The following FHOD3 variants were observed in gnomAD, a reference collection of about 807,000 sequenced individuals.
FHOD3 encodes the protein FH1/FH2 domain-containing protein 3.
A neutral mutation model predicts 173.0 loss-of-function variants in FHOD3; 90 were observed. The observed-to-expected ratio is 0.52, with a 90% CI of 0.44 to 0.62. The LOEUF is 0.62. FHOD3 is among the 20% of genes least tolerant of loss of function. The pLI, the probability that FHOD3 is intolerant of heterozygous loss-of-function variation, is 0.00. For synonymous variants in FHOD3, 828 were observed against 823.0 expected (o/e 1.01, Z -0.10); for missense variants, 1,945 against 2,034.7 (o/e 0.96, Z 0.85).
At chr18:36,551,877 C>T (rs1331866600) in intron 5 of FHOD3, among the ~76,000 whole-genome samples, 1 of 152,154 alleles carries the variant, frequency 6.6e-6, no homozygotes, top group Non-Finnish European at 1.5e-5. Flanking sequence ...GGTACCAGTA[C>T]CATGCTGTTT....
intron 9 of FHOD3, among the ~76,000 whole-genome samples, chr18:36,616,551 G>A (rs1171601039): frequency 6.6e-6 from 1 of 152,126 alleles, no homozygotes; most frequent in African/African-American, 2.4e-5. Flanking sequence ...CGAATTACAT[G>A]TGCCTAATAT....
At chr18:36,502,187 CATA>C (rs944781310) in intron 4 of FHOD3, among the ~76,000 whole-genome samples, 188 bp downstream of exon 4, 2 of 150,718 alleles carry the variant, frequency 1.3e-5, no homozygotes, top group African/African-American at 4.9e-5. Context: ...ATATTTCAAA[CATA>C]ATAAAAAGTA....
chr18:36,560,404 T>C (rs1303948053), intron 5 of FHOD3, among the ~76,000 whole-genome samples: 1 of 152,240 alleles, frequency 6.6e-6, no homozygotes, highest in Non-Finnish European at 1.5e-5. Flanking sequence ...ATTGCTTGTT[T>C]GGCAAGAGGC....
chr18:36,654,774 A>G (rs1266289642), intron 13 of FHOD3, among the ~76,000 whole-genome samples: 1 of 152,190 alleles, frequency 6.6e-6, no homozygotes, highest in Non-Finnish European at 1.5e-5. Context: ...CTCAGGAGTG[A>G]TATTTTCCTT....
intron 3 of FHOD3, among the ~76,000 whole-genome samples, chr18:36,472,669 G>A: frequency 6.6e-6 from 1 of 152,080 alleles, no homozygotes; most frequent in Admixed American, 6.6e-5. Context: ...TATAATATGT[G>A]GTCTTTTGGG....
intron 18 of FHOD3, chr18:36,711,243 A>G (rs770707807): frequency 6.6e-6 from 1 of 152,220 alleles, no homozygotes; most frequent in African/African-American, 2.4e-5. Context: ...CCGGGCAGCT[A>G]TGTCATTATA....
At chr18:36,376,998 C>A (rs1568191130) in intron 3 of FHOD3, among the ~76,000 whole-genome samples, 2 of 152,208 alleles carry the variant, frequency 1.3e-5, no homozygotes, top group Non-Finnish European at 2.9e-5. Flanking sequence ...TGCATCGGTA[C>A]CCTCTTACAC....
At chr18:36,355,326 T>C (rs2046310104) in intron 1 of FHOD3, among the ~76,000 whole-genome samples, 1 of 152,196 alleles carries the variant, frequency 6.6e-6, no homozygotes, top group South Asian at 2.1e-4. Context: ...ATGCTGTCGA[T>C]GTCACTCTGT....
chr18:36,528,079 T>G (rs924308991), intron 5 of FHOD3, among the ~76,000 whole-genome samples: 55 of 152,210 alleles, frequency 3.6e-4, no homozygotes, highest in Admixed American at 3.6e-3. Flanking sequence ...ATCCTCTGTT[T>G]CCTGCACAAG....
intron 17 of FHOD3, among the ~76,000 whole-genome samples, chr18:36,708,807 T>C (rs748947742): frequency 6.6e-6 from 1 of 152,334 alleles, no homozygotes; most frequent in Non-Finnish European, 1.5e-5. Context: ...CCTTTTCTGC[T>C]GCCAATTGGA....
At position 36,779,665 on chromosome 18, in the gene FHOD3, C is replaced by A; in HGVS notation, c.*135C>A. 1.4e-6 allele frequency: 1 copy of A among 740,196 alleles called. No individual in the cohort carries two copies. Among genetic ancestry groups the A allele is most frequent in the South Asian group, 1.7e-5 (1 of 59,044 alleles). The allele number at this position is 740,196 out of a possible 1,614,324, so 45.9% of individuals were successfully genotyped here. On this transcript the variant is annotated 3_prime_UTR_variant, in exon 29 of 29. Transcript: ENST00000590592. ...AAAGGGAGAGCTCAATTCCCAGCGT[C>A]ACCCCATGGCTTGTGTTGCCTGCTA...
intron 20 of FHOD3, among the ~76,000 whole-genome samples, chr18:36,735,726 C>G (rs1312454706): frequency 6.6e-6 from 1 of 152,114 alleles, no homozygotes; most frequent in Non-Finnish European, 1.5e-5. Flanking sequence ...TGTATGCAAA[C>G]CAGACATAGC....
rs546566605 is a variant in FHOD3, at chr18:36,306,719, T to A, written c.165+8719T>A. On this transcript the variant is annotated intron_variant, in intron 1 of 28. Transcript: ENST00000590592. ...TTTTTTTTAAATCTGTTTTGTTTAC[T>A]GGTGCAGCCCAAGAGCCTAGAACAG... 7.5e-4 allele frequency among the ~76,000 whole-genome samples: 114 copies of A among 152,338 alleles called. 1 individual carries two copies. Among genetic ancestry groups the A allele is most frequent in the African/African-American group, 2.7e-3 (113 of 41,580 alleles).
Position 36,703,770 on chromosome 18 carries a change from G to A in FHOD3, c.2237-5325G>A, listed in dbSNP as rs117959778. On this transcript the variant is annotated intron_variant, in intron 17 of 28. Coordinates refer to ENST00000590592, the MANE Select transcript of FHOD3 (RefSeq NM_001281740.3). The stretch of plus-strand genomic sequence containing the variant: ...CTGGCCGAAGTCCTCAGGCCGGCTC[G>A]TTCCTCATTTCTCTCCTCATTTTGC... Among the ~76,000 whole-genome samples, 92 of 152,250 alleles carry A rather than the reference G, an allele frequency of 6.0e-4. No homozygotes were observed. In the East Asian group the frequency reaches 0.015, roughly 25 times the overall value.
At chr18:36,576,970 G>A (rs1449360280) in intron 6 of FHOD3, among the ~76,000 whole-genome samples, 3 of 152,108 alleles carry the variant, frequency 2.0e-5, no homozygotes, top group Non-Finnish European at 4.4e-5. Flanking sequence ...GCACGCGCCT[G>A]TAGTCCCAGC....
intron 3 of FHOD3, among the ~76,000 whole-genome samples, chr18:36,383,116 T>C (rs1311263690): frequency 6.6e-6 from 1 of 152,178 alleles, no homozygotes; most frequent in Non-Finnish European, 1.5e-5. Context: ...TGTTCTGGGA[T>C]AGCGTTGGCC....
intron 3 of FHOD3, among the ~76,000 whole-genome samples, chr18:36,407,655 T>C (rs997452189): frequency 2.0e-5 from 3 of 152,230 alleles, no homozygotes; most frequent in Admixed American, 1.3e-4. Flanking sequence ...TTTTCCTATA[T>C]GTTAGGCTGC....
At chr18:36,542,404 A>ATTTTAC (rs2057259452) in intron 5 of FHOD3, among the ~76,000 whole-genome samples, 1 of 152,202 alleles carries the variant, frequency 6.6e-6, no homozygotes, top group South Asian at 2.1e-4. Flanking sequence ...TAAAATTCTA[A>ATTTTAC]TAAAAACAGT....
chr18:36,742,617 CG>C, intron 21 of FHOD3, 119 bp from the exon 22 acceptor site: 1 of 1,104,024 alleles, frequency 9.1e-7, no homozygotes, highest in Non-Finnish European at 1.3e-6. Context: ...ATGCCCATCG[CG>C]GGGGATTGCC....
Sources: gnomAD v4.1 joint callset for allele counts (sites outside exome capture counted in the v4.1 genomes callset) on GRCh38, gnomAD v4.1.1 for gene constraint, MANE v1.5 for transcripts, NCBI Gene and HGNC (gene_info 2026-07-23, HGNC 2026-07-21) for gene names.